The following THSD4 variants were observed in gnomAD, a reference collection of about 807,000 sequenced individuals.
THSD4 encodes thrombospondin type-1 domain-containing protein 4.
A neutral mutation model predicts 119.0 loss-of-function variants in THSD4; 69 were observed. The observed-to-expected ratio is 0.58, with a 90% CI of 0.48 to 0.71. The LOEUF is 0.71. Ranked by LOEUF, THSD4 falls within the 30% of genes least tolerant of loss-of-function variation. The pLI is 0.00. For missense variants in THSD4, 1,393 were observed against 1,391.1 expected, an observed-to-expected ratio of 1.00 and a Z score of -0.02; for synonymous variants, 524 against 540.4, an observed-to-expected ratio of 0.97 and a Z score of 0.42.
In THSD4 at chr15:71,180,542, T is replaced by C. The variant is rs370832735; in HGVS notation, c.99+25610T>C. 4.0e-3 allele frequency among the ~76,000 whole-genome samples: 609 copies of C among 152,314 alleles called. 5 individuals carry two copies. Among genetic ancestry groups the C allele is most frequent in the Middle Eastern group, 6.8e-3 (2 of 294 alleles). On this transcript the variant is annotated intron_variant, in intron 3 of 17. Coordinates refer to ENST00000261862, the MANE Select transcript of THSD4 (RefSeq NM_024817.3). ...ATATGAGAAAACTTATCAAATTGTATGCTTCAAATATGTAATTGATTATGT... is the reference window on the plus strand; with the variant it reads ...ATATGAGAAAACTTATCAAATTGTACGCTTCAAATATGTAATTGATTATGT...
chr15:71,489,360 T>G (rs1186174244), intron 7 of THSD4, among the ~76,000 whole-genome samples: 2 of 152,186 alleles, frequency 1.3e-5, no homozygotes, highest in African/African-American at 4.8e-5. Context: ...ATTTTGTATT[T>G]AAAATGTATT....
intron 7 of THSD4, among the ~76,000 whole-genome samples, chr15:71,513,319 T>C (rs934913189): frequency 6.6e-6 from 1 of 152,214 alleles, no homozygotes; most frequent in African/African-American, 2.4e-5. Flanking sequence ...CATTGTCTAA[T>C]TGGCTCCTCA....
At chr15:71,493,902 G>C (rs114142671) in intron 7 of THSD4, among the ~76,000 whole-genome samples, 3,544 of 152,308 alleles carry the variant, frequency 0.023, 139 homozygotes, top group African/African-American at 0.081. Flanking sequence ...CAGCTAATCA[G>C]AGGTTGCGCT....
intron 7 of THSD4, among the ~76,000 whole-genome samples, chr15:71,522,578 A>T (rs1199635563): frequency 6.6e-6 from 1 of 152,242 alleles, no homozygotes; most frequent in African/African-American, 2.4e-5. Flanking sequence ...TTTCATGCTT[A>T]AGTGCGACCA....
chr15:71,469,883 A>C (rs889768319), intron 7 of THSD4, among the ~76,000 whole-genome samples: 6 of 152,212 alleles, frequency 3.9e-5, no homozygotes, highest in Admixed American at 6.5e-5. Context: ...GAGCCAATCT[A>C]GTGGGAGAAC....
chr15:71,404,511 C>A (rs922164542), intron 6 of THSD4, among the ~76,000 whole-genome samples: 1 of 152,182 alleles, frequency 6.6e-6, no homozygotes, highest in South Asian at 2.1e-4. Context: ...ATTTCAGTTT[C>A]CCCTTTTTAG....
chr15:71,673,922 A>G (rs2051585876), intron 8 of THSD4, among the ~76,000 whole-genome samples: 1 of 152,166 alleles, frequency 6.6e-6, no homozygotes, highest in South Asian at 2.1e-4. Context: ...ACGGCTGGCC[A>G]TATACTTTTC....
At position 71,361,137 on chromosome 15, in the gene THSD4, G is replaced by A. The variant is rs530486184; in HGVS notation, c.1016-50550G>A. Among the ~76,000 whole-genome samples the A allele has an allele frequency of 1.2e-4, 18 of 152,308 alleles. No individual in the cohort carries two copies. The East Asian group carries it at 1.3e-3, about 11-fold the overall frequency. ...GTTTGTAGAGCATGGAGGGCCCTGG[G>A]TATCCTACTGAGGGATCTGGACTTG... On this transcript the variant is annotated intron_variant, in intron 6 of 17. Coordinates refer to ENST00000261862, the MANE Select transcript of THSD4 (RefSeq NM_024817.3).
intron 8 of THSD4, among the ~76,000 whole-genome samples, chr15:71,699,210 C>CTTTTTTT (rs34295616): frequency 5.5e-5 from 4 of 72,992 alleles, no homozygotes; most frequent in Non-Finnish European, 9.1e-5. Flanking sequence ...ATAGCTACAG[C>CTTTTTTT]TTTTTTTTTT....
chr15:71,626,889 G>C (rs2050520421), intron 7 of THSD4, among the ~76,000 whole-genome samples: 1 of 152,110 alleles, frequency 6.6e-6, no homozygotes, highest in South Asian at 2.1e-4. Flanking sequence ...TTCTTTTTCT[G>C]TACTCAGAAA....
chr15:71,162,996 CTCTT>C (rs780214012), intron 3 of THSD4, among the ~76,000 whole-genome samples: 1 of 151,846 alleles, frequency 6.6e-6, no homozygotes, highest in Non-Finnish European at 1.5e-5. Context: ...GTATATCTGT[CTCTT>C]TATTGAATTT....
At chr15:71,656,182 C>T (rs1195201170) in intron 7 of THSD4, among the ~76,000 whole-genome samples, 1 of 151,994 alleles carries the variant, frequency 6.6e-6, no homozygotes, top group Admixed American at 6.6e-5. Flanking sequence ...AAAAAAAGTG[C>T]ATCTAAAAGA....
At chr15:71,481,755 A>G (rs1408181035) in intron 7 of THSD4, among the ~76,000 whole-genome samples, 2 of 152,184 alleles carry the variant, frequency 1.3e-5, no homozygotes, top group Non-Finnish European at 2.9e-5. Flanking sequence ...CATTATTTCT[A>G]TTGGCTAGAG....
intron 7 of THSD4, among the ~76,000 whole-genome samples, chr15:71,521,889 G>A (rs529074930): frequency 1.3e-5 from 2 of 152,306 alleles, no homozygotes; most frequent in South Asian, 4.1e-4. Context: ...TTCTTCCTAA[G>A]GGCTGGTTGT....
chr15:71,748,295 T>C, intron 13 of THSD4, 126 bp from the exon 14 acceptor site: 1 of 1,168,094 alleles, frequency 8.6e-7, no homozygotes, highest in Non-Finnish European at 1.2e-6. Flanking sequence ...CTGCCCCAGC[T>C]GGTGACATGC....
intron 14 of THSD4, among the ~76,000 whole-genome samples, chr15:71,757,652 T>G (rs1009159714): frequency 6.6e-6 from 1 of 151,856 alleles, no homozygotes; most frequent in African/African-American, 2.4e-5. Context: ...CAAGTATAAG[T>G]GTATTAATTG....
At chr15:71,368,669 G>A (rs2046001334) in intron 6 of THSD4, among the ~76,000 whole-genome samples, 1 of 152,178 alleles carries the variant, frequency 6.6e-6, no homozygotes, top group African/African-American at 2.4e-5. Context: ...CCAGTACCAT[G>A]CTGTTTTGGT....
chr15:71,646,768 C>A (rs1456467258), intron 7 of THSD4, among the ~76,000 whole-genome samples: 1 of 152,184 alleles, frequency 6.6e-6, no homozygotes, highest in Non-Finnish European at 1.5e-5. Context: ...GACACTGGAT[C>A]ATTGTCAAAA....
At chr15:71,469,562 C>T (rs760593229) in intron 7 of THSD4, among the ~76,000 whole-genome samples, 18 of 152,260 alleles carry the variant, frequency 1.2e-4, no homozygotes, top group Non-Finnish European at 2.6e-4. Context: ...CCCCTTCCGG[C>T]GAAGTGAGGC....
Sources: allele counts gnomAD v4.1 joint callset (sites outside exome capture counted in the v4.1 genomes callset), GRCh38; gene constraint gnomAD v4.1.1; transcripts MANE v1.5; gene names NCBI Gene and HGNC (gene_info 2026-07-23, HGNC 2026-07-21).